The following SLIT2 variants were observed in gnomAD, a reference collection of about 807,000 sequenced individuals.
SLIT2 encodes slit guidance ligand 2.
In SLIT2, 41 loss-of-function variants were observed where a neutral mutation model predicts 185.7. The observed-to-expected ratio is 0.22, with a 90% CI of 0.17 to 0.29. The LOEUF (loss-of-function observed/expected upper bound fraction) is 0.29, where lower values mean the gene tolerates loss of function less well. Among genes scored for constraint, SLIT2 ranks in the 10% least tolerant of loss-of-function variants. The probability of loss-of-function intolerance (pLI) is 1.00; values close to 1 mark genes in which losing one functional copy is unlikely to be tolerated. For missense variants in SLIT2, 1,571 were observed against 1,909.0 expected, an observed-to-expected ratio of 0.82 and a Z score of 3.30; for synonymous variants, 693 against 680.2, an observed-to-expected ratio of 1.02 and a Z score of -0.29.
intron 4 of SLIT2, among the ~76,000 whole-genome samples, chr4:20,286,329 T>A (rs778457937): frequency 7.2e-5 from 11 of 152,178 alleles, no homozygotes; most frequent in Non-Finnish European, 1.5e-4. Context: ...TTAATGTCAC[T>A]CTTGGCTCCT....
intron 29 of SLIT2, 195 bp downstream of exon 29, chr4:20,569,199 T>C: frequency 3.5e-6 from 2 of 570,570 alleles, no homozygotes; most frequent in African/African-American, 1.9e-5. Context: ...CAGGAATCTC[T>C]GTTCAAACAT....
At chr4:20,291,822 T>A (rs1453893694) in intron 4 of SLIT2, among the ~76,000 whole-genome samples, 2 of 151,996 alleles carry the variant, frequency 1.3e-5, no homozygotes, top group African/African-American at 4.8e-5. Context: ...ATTTGCAGCT[T>A]TCTTTTGATC....
At chr4:20,341,866 T>C (rs1720988456) in intron 4 of SLIT2, among the ~76,000 whole-genome samples, 1 of 152,220 alleles carries the variant, frequency 6.6e-6, no homozygotes, top group Non-Finnish European at 1.5e-5. Context: ...ATGAATTTGC[T>C]GAATTTAGAT....
chr4:20,525,267 A>G (rs1577854992), intron 15 of SLIT2, 95 bp downstream of exon 15: 1 of 895,324 alleles, frequency 1.1e-6, no homozygotes, highest in Non-Finnish European at 1.9e-6. Context: ...TTCTGAAAGT[A>G]CAGTGGATAC....
chr4:20,522,479 A>G (rs1720922631), intron 12 of SLIT2, among the ~76,000 whole-genome samples: 1 of 152,234 alleles, frequency 6.6e-6, no homozygotes, highest in Admixed American at 6.5e-5. Context: ...AAGACTGCAT[A>G]GCATGGAATG....
At chr4:20,394,644 G>A (rs1383236123) in intron 4 of SLIT2, 2 of 151,976 alleles carry the variant, frequency 1.3e-5, no homozygotes, top group African/African-American at 4.8e-5. Flanking sequence ...ACTCAGGATT[G>A]AATCAATTGG....
At chr4:20,596,351 T>C in intron 31 of SLIT2, 64 bp from the exon 32 acceptor site, 2 of 1,486,922 alleles carry the variant, frequency 1.3e-6, no homozygotes, top group Non-Finnish European at 1.9e-6. Context: ...TATACAGCTC[T>C]CAATTCAGAT....
intron 4 of SLIT2, among the ~76,000 whole-genome samples, chr4:20,396,036 C>T (rs950063365): frequency 1.2e-4 from 18 of 151,882 alleles, no homozygotes; most frequent in African/African-American, 4.1e-4. Context: ...CCCCCCCAAA[C>T]TACATTTCAT....
At chr4:20,379,683 G>T (rs533795436) in intron 4 of SLIT2, among the ~76,000 whole-genome samples, 1 of 152,078 alleles carries the variant, frequency 6.6e-6, no homozygotes, top group Admixed American at 6.6e-5. Context: ...TTACTCTCCT[G>T]CTTTAACTAG....
intron 3 of SLIT2, among the ~76,000 whole-genome samples, chr4:20,266,337 C>A (rs1696314223): frequency 6.6e-6 from 1 of 151,842 alleles, no homozygotes; most frequent in African/African-American, 2.4e-5. Context: ...TTCTTTCCAG[C>A]TTCTAGGTGA....
intron 15 of SLIT2, among the ~76,000 whole-genome samples, chr4:20,525,819 C>T (rs552855990): frequency 6.6e-6 from 1 of 152,188 alleles, no homozygotes; most frequent in East Asian, 1.9e-4. Context: ...GATGTGAAAG[C>T]ATCAGAAGTT....
In SLIT2 at chr4:20,253,800, G is replaced by C. The variant is rs775720088; in HGVS notation, c.-16G>C. On this transcript the variant is annotated 5_prime_UTR_variant, in exon 1 of 37. Coordinates refer to ENST00000504154, the MANE Select transcript of SLIT2 (RefSeq NM_004787.4). ...AAAGCCCCCAGTGCCGGCGAGGAAG[G>C]AGGCGGCGGGGAAAGATGCGCGGCG... 6.3e-7 allele frequency: 1 copy of C among 1,597,014 alleles called. No individual in the cohort carries two copies. The highest frequency in any genetic ancestry group is 8.5e-7 in the Non-Finnish European group (1 of 1,178,422).
chr4:20,522,730 G>T (rs1192183304), intron 12 of SLIT2, among the ~76,000 whole-genome samples: 2 of 152,004 alleles, frequency 1.3e-5, no homozygotes, highest in African/African-American at 4.8e-5. Context: ...AGTTAAACAG[G>T]TATTTATAAT....
At chr4:20,284,018 G>C (rs1715036903) in intron 4 of SLIT2, among the ~76,000 whole-genome samples, 1 of 152,074 alleles carries the variant, frequency 6.6e-6, no homozygotes, top group African/African-American at 2.4e-5. Flanking sequence ...TGTGAACATA[G>C]ACAGTAACAG....
chr4:20,327,069 G>A (rs1422845091), intron 4 of SLIT2, among the ~76,000 whole-genome samples: 6 of 152,038 alleles, frequency 3.9e-5, no homozygotes, highest in South Asian at 2.1e-4. Flanking sequence ...TTCTAAGCCA[G>A]TTTCTTTGTT....
At chr4:20,373,543 CAG>C (rs34229494) in intron 4 of SLIT2, among the ~76,000 whole-genome samples, 24,664 of 151,850 alleles carry the variant, frequency 0.16, 2,547 homozygotes, top group East Asian at 0.43. Flanking sequence ...AAATTACACA[CAG>C]TATGTGTGTG....
intron 4 of SLIT2, among the ~76,000 whole-genome samples, chr4:20,292,724 T>C (rs1716079871): frequency 6.6e-6 from 1 of 152,218 alleles, no homozygotes; most frequent in Non-Finnish European, 1.5e-5. Context: ...GATTATTTGG[T>C]TAGGGATTAG....
intron 11 of SLIT2, among the ~76,000 whole-genome samples, chr4:20,513,424 A>G (rs2148829859): frequency 1.3e-5 from 2 of 152,348 alleles, no homozygotes; most frequent in African/African-American, 4.8e-5. Flanking sequence ...CACTTTCCAA[A>G]GATTAAGTTA....
rs151266139 is a variant in SLIT2 at position 20,283,698 on chromosome 4, A to G, written c.395+14817A>G. 6.7e-3 allele frequency among the ~76,000 whole-genome samples: 1,013 copies of G among 152,296 alleles called. 10 individuals are homozygous for G. The highest frequency in any genetic ancestry group is 1.0e-2 in the Non-Finnish European group (678 of 68,024). On this transcript the variant is annotated intron_variant, in intron 4 of 36. Transcript: ENST00000504154. The stretch of plus-strand genomic sequence containing the variant: ...ATATTGAGAGAAAAGACACAAATGA[A>G]AACAGAATCATAAAATTAGAGTATG...
Sources: allele counts gnomAD v4.1 joint callset (sites outside exome capture counted in the v4.1 genomes callset), GRCh38; gene constraint gnomAD v4.1.1; transcripts MANE v1.5; gene names NCBI Gene and HGNC (gene_info 2026-07-23, HGNC 2026-07-21).